Variants in DHRSX observed in about 807,000 individuals in gnomAD.
DHRSX encodes polyprenol dehydrogenase.
Under a neutral mutation model 34.0 loss-of-function variants are expected in DHRSX, and 31 were observed. The observed-to-expected ratio is 0.91, with a 90% confidence interval of 0.69 to 1.23. DHRSX has a LOEUF of 1.23. Among genes scored for constraint, DHRSX ranks in the 50% most tolerant of loss-of-function variants. The pLI, the probability that DHRSX is intolerant of heterozygous loss-of-function variation, is 0.00. For synonymous variants in DHRSX, 201 were observed against 183.8 expected, an observed-to-expected ratio of 1.09 and a Z score of -0.76; for missense variants, 414 against 428.1, an observed-to-expected ratio of 0.97 and a Z score of 0.29.
chrX:2,317,666 G>T (rs989919835), intron 3 of DHRSX, among the ~76,000 whole-genome samples: 4 of 152,042 alleles, frequency 2.6e-5, no homozygotes, highest in Admixed American at 6.6e-5. Flanking sequence ...AGAGGCAAAT[G>T]ATTACATTCT....
At chrX:2,242,045 C>A (rs746326814) in intron 6 of DHRSX, among the ~76,000 whole-genome samples, 2 of 152,212 alleles carry the variant, frequency 1.3e-5, no homozygotes, top group African/African-American at 4.8e-5. Context: ...CAATTCCCCA[C>A]TCCCCTTCCG....
At chrX:2,450,762 GT>G (rs2044205743) in intron 1 of DHRSX, among the ~76,000 whole-genome samples, 1 of 151,492 alleles carries the variant, frequency 6.6e-6, no homozygotes, top group Non-Finnish European at 1.5e-5. Flanking sequence ...ATTACTGTAT[GT>G]TTTTAAAGAA....
At chrX:2,282,642 G>C (rs111162457) in intron 4 of DHRSX, among the ~76,000 whole-genome samples, 1 of 67,562 alleles carries the variant, frequency 1.5e-5, no homozygotes, top group East Asian at 3.7e-4. Context: ...GGGAAAGGGA[G>C]GGAGAGAGGG....
intron 6 of DHRSX, among the ~76,000 whole-genome samples, chrX:2,223,469 T>C (rs1231559165): frequency 6.6e-6 from 1 of 152,146 alleles, no homozygotes; most frequent in African/African-American, 2.4e-5. Context: ...ATAGAGAGAC[T>C]GTATCTGAAA....
At chrX:2,225,299 CACAT>C (rs1157648654) in intron 6 of DHRSX, among the ~76,000 whole-genome samples, 2 of 57,922 alleles carry the variant, frequency 3.5e-5, no homozygotes, top group Non-Finnish European at 1.3e-4. Context: ...CACATGTACA[CACAT>C]TCACATGCAC....
intron 6 of DHRSX, among the ~76,000 whole-genome samples, chrX:2,242,685 C>T (rs2016168641): frequency 1.3e-5 from 2 of 152,078 alleles, no homozygotes; most frequent in Non-Finnish European, 1.5e-5. Context: ...TTCCCACCAG[C>T]GCCAGGACAG....
At chrX:2,439,133 G>C (rs1264678386) in intron 1 of DHRSX, among the ~76,000 whole-genome samples, 3 of 148,040 alleles carry the variant, frequency 2.0e-5, no homozygotes, top group Non-Finnish European at 4.5e-5. Context: ...TGACAAGAGC[G>C]AGACTTTTTT....
intron 3 of DHRSX, among the ~76,000 whole-genome samples, chrX:2,378,718 T>G (rs1387036616): frequency 1.3e-5 from 2 of 152,094 alleles, no homozygotes; most frequent in Non-Finnish European, 2.9e-5. Flanking sequence ...TCACCCAGGC[T>G]GGAGTGCAGT....
At chrX:2,382,076 TG>T (rs1432969221) in intron 3 of DHRSX, among the ~76,000 whole-genome samples, 5 of 152,210 alleles carry the variant, frequency 3.3e-5, no homozygotes, top group African/African-American at 1.2e-4. Flanking sequence ...GAAGAGGTCC[TG>T]TGGGCCTGCC....
chrX:2,344,872 C>CGT (rs1448820546), intron 3 of DHRSX, among the ~76,000 whole-genome samples: 1 of 98,368 alleles, frequency 1.0e-5, no homozygotes, highest in East Asian at 5.0e-4. Context: ...TAAAAAGAAG[C>CGT]ATATATATAT....
intron 3 of DHRSX, among the ~76,000 whole-genome samples, chrX:2,401,111 T>A (rs1014812542): frequency 3.1e-5 from 1 of 32,504 alleles, no homozygotes; most frequent in African/African-American, 3.8e-4. Flanking sequence ...TGGGAAGCTT[T>A]TTTTTTTTTT....
At chrX:2,291,387 T>G (rs754981457) in intron 4 of DHRSX, 115 bp downstream of exon 4, 2 of 795,018 alleles carry the variant, frequency 2.5e-6, no homozygotes, top group South Asian at 3.1e-5. Context: ...GCAGGTATGT[T>G]CAATAATTCC....
At chrX:2,266,643 G>C in intron 5 of DHRSX, 97 bp downstream of exon 5, 1 of 1,226,660 alleles carries the variant, frequency 8.2e-7, no homozygotes. Context: ...CCAGCGTCCA[G>C]CAGATGCAGG....
intron 1 of DHRSX, among the ~76,000 whole-genome samples, chrX:2,479,911 C>T (rs186869204): frequency 4.6e-5 from 7 of 152,326 alleles, no homozygotes; most frequent in African/African-American, 1.4e-4. Context: ...GGCCAAGGGA[C>T]GGACGCCATG....
chrX:2,231,582 C>T (rs1362949492), intron 6 of DHRSX, among the ~76,000 whole-genome samples: 7 of 129,832 alleles, frequency 5.4e-5, no homozygotes, highest in South Asian at 2.6e-4. Context: ...CCTCCTCCAT[C>T]GTATCCTCCT....
At chrX:2,490,567 C>A (rs776914577) in intron 1 of DHRSX, 1 of 1,613,962 alleles carries the variant, frequency 6.2e-7, no homozygotes, top group South Asian at 1.1e-5. Flanking sequence ...CGATCTGGGC[C>A]ATGCAGATGC....
intron 1 of DHRSX, among the ~76,000 whole-genome samples, chrX:2,494,871 C>T (rs1464504787): frequency 1.3e-5 from 2 of 151,636 alleles, no homozygotes; most frequent in Non-Finnish European, 1.5e-5. Flanking sequence ...TGAAAGAGGT[C>T]CTGGTACTGT....
intron 3 of DHRSX, among the ~76,000 whole-genome samples, chrX:2,323,691 C>G (rs1227458518): frequency 6.6e-6 from 1 of 152,118 alleles, no homozygotes; most frequent in Non-Finnish European, 1.5e-5. Flanking sequence ...ATCACTCGAG[C>G]CCGGGAGGCT....
chrX:2,262,716 C>T (rs1487710605), intron 5 of DHRSX, among the ~76,000 whole-genome samples: 1 of 152,242 alleles, frequency 6.6e-6, no homozygotes, highest in Non-Finnish European at 1.5e-5. Flanking sequence ...CCCGGTGCTT[C>T]TTCAGCTGCC....
Sources: gnomAD v4.1 joint callset for allele counts (sites outside exome capture counted in the v4.1 genomes callset) on GRCh38, gnomAD v4.1.1 for gene constraint, MANE v1.5 for transcripts, NCBI Gene and HGNC (gene_info 2026-07-23, HGNC 2026-07-21) for gene names.